Variants in NUAK1 observed in about 807,000 individuals in gnomAD.
The protein encoded by NUAK1 is NUAK family kinase 1.
A neutral mutation model predicts 56.9 loss-of-function variants in NUAK1; 26 were observed. The ratio of observed to expected loss-of-function variants is 0.46; its 90% confidence interval spans 0.33 to 0.63. The LOEUF is 0.63. NUAK1 is among the 30% of genes least tolerant of loss of function. The probability of loss-of-function intolerance (pLI) is 0.02; values close to 1 mark genes in which losing one functional copy is unlikely to be tolerated. For synonymous variants in NUAK1, 337 were observed against 336.0 expected (o/e 1.00, Z -0.03); for missense variants, 727 against 876.1 (o/e 0.83, Z 2.15).
At chr12:106,091,677 G>C (rs1440053598) in intron 2 of NUAK1, among the ~76,000 whole-genome samples, 1 of 152,168 alleles carries the variant, frequency 6.6e-6, no homozygotes, top group Non-Finnish European at 1.5e-5. Context: ...CAATCCAAGA[G>C]ACAGGAGCAA....
chr12:106,070,975 G>A (rs2032401320), intron 5 of NUAK1, 69 bp from the exon 6 acceptor site: 1 of 1,570,012 alleles, frequency 6.4e-7, no homozygotes, highest in African/African-American at 1.3e-5. Context: ...CAAACCATTA[G>A]CATCATAGCC....
intron 1 of NUAK1, among the ~76,000 whole-genome samples, chr12:106,113,106 T>TC (rs2032881214): frequency 6.6e-6 from 1 of 152,156 alleles, no homozygotes; most frequent in South Asian, 2.1e-4. Context: ...GGACAGTCAT[T>TC]CCTTGGTCTC....
rs1210218636 is a variant in NUAK1, at chr12:106,070,786, T to C, written c.820A>G (p.Thr274Ala). The C allele has an allele frequency of 2.5e-6, 4 of 1,614,104 alleles. No homozygotes were observed. In the East Asian group the frequency reaches 6.7e-5, roughly 27 times the overall value. The stretch of plus-strand genomic sequence containing the variant: ...ACAGGGCACGCACCTGAGGGCTGTG[T>C]TGGCTCCCGGTACTCTCCGCTGCTG... ...QISSGEYREP[T>A]QPSDARGLIR... is the part of the protein sequence containing the mutation. The change falls in exon 6 of 7, where the codon ACA becomes GCA. Residue 274 changes from threonine (T) to alanine (A), a missense_variant. Thr to Ala is a moderately conservative substitution (Grantham distance 58, BLOSUM62 0). Transcript: ENST00000261402.
chr12:106,119,164 G>A lies in NUAK1; in HGVS notation c.241-12639C>T, dbSNP rs148206113. Among the ~76,000 whole-genome samples the A allele has an allele frequency of 6.8e-4, 104 of 152,276 alleles. 1 individual carries two copies. Among genetic ancestry groups the A allele is most frequent in the Middle Eastern group, 3.4e-3 (1 of 294 alleles). The stretch of plus-strand genomic sequence containing the variant: ...ACTGAGATAAAGGTAGGTTTTTCCT[G>A]GTTTTAATTATCCAAATATAGCAAT... On this transcript the variant is annotated intron_variant, in intron 1 of 6. Coordinates refer to ENST00000261402, the MANE Select transcript of NUAK1 (RefSeq NM_014840.3).
intron 1 of NUAK1, among the ~76,000 whole-genome samples, chr12:106,110,178 C>A (rs1339371334): frequency 6.6e-6 from 1 of 152,214 alleles, no homozygotes; most frequent in African/African-American, 2.4e-5. Flanking sequence ...TCTCCACCCG[C>A]TCCCACACTG....
rs1474187429 is a variant in NUAK1, at chr12:106,138,405, C to T, written c.240+9G>A. On this transcript the variant is annotated intron_variant, in intron 1 of 6. Coordinates refer to ENST00000261402, the MANE Select transcript of NUAK1 (RefSeq NM_014840.3). This position sits in a 1 kb window ranked among gnomAD's most constrained non-coding sequence, Gnocchi z 5.0. Reference sequence around the variant, plus strand: ...CGCCCCCCGCACCCTCCAGGATTGCCCCACTCACCACTCGGCCAGAAAACC... The same window carrying T: ...CGCCCCCCGCACCCTCCAGGATTGCTCCACTCACCACTCGGCCAGAAAACC... 2 of 1,602,822 alleles carry T rather than the reference C, an allele frequency of 1.2e-6. No individual in the cohort carries two copies. Among genetic ancestry groups the T allele is most frequent in the South Asian group, 2.2e-5 (2 of 89,610 alleles).
At chr12:106,133,508 A>C (rs1336494016) in intron 1 of NUAK1, among the ~76,000 whole-genome samples, 1 of 152,126 alleles carries the variant, frequency 6.6e-6, no homozygotes, top group Non-Finnish European at 1.5e-5. Flanking sequence ...CCATCCAAAC[A>C]AACAAACACC....
intron 1 of NUAK1, among the ~76,000 whole-genome samples, chr12:106,123,296 G>A (rs1251211289): frequency 6.6e-6 from 1 of 152,192 alleles, no homozygotes; most frequent in South Asian, 2.1e-4. Context: ...CTAGTGTCTA[G>A]AGCAGCACTA....
chr12:106,138,252 G>C lies in NUAK1; in HGVS notation c.240+162C>G, dbSNP rs749252968. On this transcript the variant is annotated intron_variant, in intron 1 of 6. Coordinates refer to ENST00000261402, the MANE Select transcript of NUAK1 (RefSeq NM_014840.3). The surrounding 1 kb of genome is among the most constrained non-coding windows in gnomAD (Gnocchi z 5.0). ...CAGGACAGAGACACGCCTGAGTCAC[G>C]GGGTGCTGGAGAAAGAGTGAGGAGT... Among the ~76,000 whole-genome samples, 1 of 152,174 alleles carries C rather than the reference G, an allele frequency of 6.6e-6. No homozygotes were observed. Among genetic ancestry groups the C allele is most frequent in the African/African-American group, 2.4e-5 (1 of 41,440 alleles).
intron 4 of NUAK1, among the ~76,000 whole-genome samples, chr12:106,080,843 G>A (rs149010611): frequency 0.016 from 2,376 of 152,224 alleles, 57 homozygotes; most frequent in African/African-American, 0.05. Flanking sequence ...TTCGTGGCTC[G>A]TGTGTCTGTG....
At chr12:106,104,818 T>C (rs11112869) in intron 2 of NUAK1, among the ~76,000 whole-genome samples, 28,440 of 151,954 alleles carry the variant, frequency 0.19, 3,169 homozygotes, top group East Asian at 0.37. Context: ...AAAAAAAGAA[T>C]GGCAAAAAAA....
intron 5 of NUAK1, 101 bp from the exon 6 acceptor site, chr12:106,071,007 G>C (rs4964437): frequency 0.67 from 855,565 of 1,279,782 alleles, 292,372 homozygotes; most frequent in East Asian, 0.98. Flanking sequence ...ACCCCCAGCA[G>C]CCCCAGGAAC....
chr12:106,120,432 C>T (rs1167283401), intron 1 of NUAK1, among the ~76,000 whole-genome samples: 1 of 151,918 alleles, frequency 6.6e-6, no homozygotes, highest in Non-Finnish European at 1.5e-5. Flanking sequence ...ATAATAATAA[C>T]GAACAGACGT....
intron 3 of NUAK1, among the ~76,000 whole-genome samples, chr12:106,085,240 C>A (rs1296283781): frequency 6.6e-6 from 1 of 152,234 alleles, no homozygotes; most frequent in East Asian, 1.9e-4. Flanking sequence ...TGTTCACACA[C>A]TTCCAATATC....
At chr12:106,110,353 C>T (rs934789570) in intron 1 of NUAK1, among the ~76,000 whole-genome samples, 11 of 152,130 alleles carry the variant, frequency 7.2e-5, no homozygotes, top group African/African-American at 1.2e-4. Flanking sequence ...GGAGCCAGCG[C>T]GACTGCTCCA....
intron 2 of NUAK1, among the ~76,000 whole-genome samples, chr12:106,100,305 C>T (rs2032734658): frequency 6.6e-6 from 1 of 151,976 alleles, no homozygotes; most frequent in Non-Finnish European, 1.5e-5. Context: ...ACCTCCTTCT[C>T]CTACTACCCT....
intron 2 of NUAK1, among the ~76,000 whole-genome samples, chr12:106,089,149 T>C (rs2032607710): frequency 6.6e-6 from 1 of 151,812 alleles, no homozygotes; most frequent in Admixed American, 6.6e-5. Context: ...AATGAAAGAG[T>C]GATAGGCCCT....
At chr12:106,097,319 T>A (rs1405204767) in intron 2 of NUAK1, among the ~76,000 whole-genome samples, 1 of 152,230 alleles carries the variant, frequency 6.6e-6, no homozygotes, top group East Asian at 1.9e-4. Context: ...CAAAACTGAT[T>A]GTGGTTTTCA....
chr12:106,086,957 G>A (rs148035046), intron 2 of NUAK1, 72 bp from the exon 3 acceptor site: 32 of 1,556,482 alleles, frequency 2.1e-5, no homozygotes, highest in Non-Finnish European at 2.6e-5. Flanking sequence ...CAGAGAATGC[G>A]AGAGAGGACA....
Sources: allele counts gnomAD v4.1 joint callset (sites outside exome capture counted in the v4.1 genomes callset), GRCh38; gene constraint gnomAD v4.1.1; non-coding constraint Gnocchi (gnomAD v3.1); transcripts MANE v1.5; gene names NCBI Gene and HGNC (gene_info 2026-07-23, HGNC 2026-07-21).